The following DLGAP1 variants were observed in gnomAD, a reference collection of about 807,000 sequenced individuals.
DLGAP1 encodes the protein disks large-associated protein 1.
Under a neutral mutation model 90.8 loss-of-function variants are expected in DLGAP1, and 11 were observed. The ratio of observed to expected loss-of-function variants is 0.12; its 90% confidence interval spans 0.08 to 0.20. DLGAP1 has a LOEUF of 0.20. DLGAP1 is among the 10% of genes least tolerant of loss of function. The pLI, the probability that DLGAP1 is intolerant of heterozygous loss-of-function variation, is 1.00. For synonymous variants in DLGAP1, 558 were observed against 540.7 expected (o/e 1.03, Z -0.44); for missense variants, 1,050 against 1,333.8 (o/e 0.79, Z 3.31).
At chr18:3,627,538 G>T (rs1258746908) in intron 7 of DLGAP1, among the ~76,000 whole-genome samples, 1 of 152,096 alleles carries the variant, frequency 6.6e-6, no homozygotes, top group Non-Finnish European at 1.5e-5. Flanking sequence ...TTCTCTAATG[G>T]GTGGGCGTAT....
In DLGAP1 at chr18:3,759,294, T is replaced by C. The variant is rs77197388; in HGVS notation, c.1173-16782A>G. On this transcript the variant is annotated intron_variant, in intron 5 of 12. Transcript: ENST00000315677. ...AAAACAAAACCCAACCTGATTTGGTTGGGGATTTCTGAATGCTCAACTGGA... is the reference window on the plus strand; with the variant it reads ...AAAACAAAACCCAACCTGATTTGGTCGGGGATTTCTGAATGCTCAACTGGA... Among the ~76,000 whole-genome samples the C allele has an allele frequency of 4.2e-3, 635 of 151,896 alleles. 9 individuals are homozygous for C. Among genetic ancestry groups the C allele is most frequent in the African/African-American group, 0.015 (614 of 41,468 alleles).
intron 9 of DLGAP1, among the ~76,000 whole-genome samples, chr18:3,555,837 A>C (rs1206865436): frequency 6.6e-6 from 1 of 152,126 alleles, no homozygotes; most frequent in African/African-American, 2.4e-5. Context: ...TAAACAAATA[A>C]ATTTAAAAAC....
intron 1 of DLGAP1, among the ~76,000 whole-genome samples, chr18:4,307,248 G>A (rs1455773688): frequency 2.6e-5 from 4 of 152,094 alleles, no homozygotes; most frequent in Non-Finnish European, 5.9e-5. Flanking sequence ...ATTGAATAGT[G>A]AAGAGATGCA....
chr18:3,808,948 A>C (rs2066696160), intron 5 of DLGAP1, among the ~76,000 whole-genome samples: 1 of 152,216 alleles, frequency 6.6e-6, no homozygotes, highest in African/African-American at 2.4e-5. Flanking sequence ...ACCTCTTCTC[A>C]AATTATTTTC....
At position 3,867,786 on chromosome 18, in the gene DLGAP1, T is replaced by C. The variant is rs147097579; in HGVS notation, c.957+11326A>G. 4.4e-3 allele frequency among the ~76,000 whole-genome samples: 663 copies of C among 152,244 alleles called. 5 individuals carry two copies. The highest frequency in any genetic ancestry group is 0.015 in the African/African-American group (625 of 41,510). On this transcript the variant is annotated intron_variant, in intron 4 of 12. Transcript: ENST00000315677. ...AATAAATAAAACTTGTTTTTTTTTA[T>C]TTTTTGTTTTTATAGCAGTGTGAAA... is the stretch of plus-strand genomic sequence containing the variant.
chr18:3,797,865 G>C (rs2066079986), intron 5 of DLGAP1, among the ~76,000 whole-genome samples: 1 of 152,170 alleles, frequency 6.6e-6, no homozygotes, highest in South Asian at 2.1e-4. Context: ...TCCACGTGTT[G>C]AGGGAGAGAC....
chr18:3,983,227 A>T (rs1294653913), intron 3 of DLGAP1: 2 of 152,192 alleles, frequency 1.3e-5, no homozygotes, highest in Non-Finnish European at 2.9e-5. Context: ...CAGGAAAAAG[A>T]AAAAGGTACC....
At chr18:3,695,540 C>T (rs1441658154) in intron 7 of DLGAP1, among the ~76,000 whole-genome samples, 2 of 152,206 alleles carry the variant, frequency 1.3e-5, no homozygotes, top group African/African-American at 4.8e-5. Context: ...TCTGAGGCTT[C>T]TGTTGTGTTC....
intron 3 of DLGAP1, among the ~76,000 whole-genome samples, chr18:3,926,502 T>C (rs2072392607): frequency 6.6e-6 from 1 of 151,564 alleles, no homozygotes; most frequent in Non-Finnish European, 1.5e-5. Flanking sequence ...TATAAATATA[T>C]ATGCCATTTG....
chr18:4,056,045 C>A (rs2075210568), intron 2 of DLGAP1, among the ~76,000 whole-genome samples: 1 of 152,076 alleles, frequency 6.6e-6, no homozygotes, highest in Admixed American at 6.6e-5. Flanking sequence ...TGATCATCTT[C>A]CCTTTAAAGA....
chr18:4,195,812 C>G (rs1719870349), intron 1 of DLGAP1, among the ~76,000 whole-genome samples: 1 of 152,198 alleles, frequency 6.6e-6, no homozygotes, highest in Non-Finnish European at 1.5e-5. Flanking sequence ...CTTGGCCTCC[C>G]AAAGTGCTGG....
chr18:3,939,911 G>C (rs2072732608), intron 3 of DLGAP1, among the ~76,000 whole-genome samples: 1 of 152,156 alleles, frequency 6.6e-6, no homozygotes, highest in African/African-American at 2.4e-5. Flanking sequence ...TGTGGTATGT[G>C]TGGTCCCTAG....
chr18:4,264,661 A>G (rs568769482), intron 1 of DLGAP1: 2 of 152,366 alleles, frequency 1.3e-5, no homozygotes, highest in South Asian at 4.1e-4. Context: ...CCATTTTAGC[A>G]GCCAAGGATG....
At chr18:4,390,816 G>A (rs2082325775) in intron 1 of DLGAP1, among the ~76,000 whole-genome samples, 2 of 152,134 alleles carry the variant, frequency 1.3e-5, no homozygotes, top group African/African-American at 4.8e-5. Flanking sequence ...ATCATAGGCA[G>A]TTCTAGAGGC....
At chr18:3,926,183 A>G (rs2072377807) in intron 3 of DLGAP1, among the ~76,000 whole-genome samples, 2 of 152,188 alleles carry the variant, frequency 1.3e-5, no homozygotes, top group African/African-American at 4.8e-5. Context: ...CAACTACTTC[A>G]GCATTATTGA....
chr18:3,933,931 A>G (rs1332128677), intron 3 of DLGAP1, among the ~76,000 whole-genome samples: 1 of 152,172 alleles, frequency 6.6e-6, no homozygotes, highest in East Asian at 1.9e-4. Flanking sequence ...TCATACTGTC[A>G]AAGGGCATCA....
At chr18:3,659,394 T>TATACACACAC (rs1555618610) in intron 7 of DLGAP1, among the ~76,000 whole-genome samples, 52 of 102,174 alleles carry the variant, frequency 5.1e-4, no homozygotes, top group African/African-American at 2.4e-3. Context: ...CATACATTTA[T>TATACACACAC]ACACACACAC....
chr18:4,036,499 G>T (rs1318557039), intron 2 of DLGAP1, among the ~76,000 whole-genome samples: 1 of 152,138 alleles, frequency 6.6e-6, no homozygotes, highest in African/African-American at 2.4e-5. Context: ...TCTTGCTTCT[G>T]TATATCAGTA....
At chr18:4,244,240 G>T (rs536581765) in intron 1 of DLGAP1, among the ~76,000 whole-genome samples, 12 of 152,262 alleles carry the variant, frequency 7.9e-5, no homozygotes, top group African/African-American at 2.2e-4. Flanking sequence ...CGTAGGAGGG[G>T]AAGATGCTTA....
Sources: gnomAD v4.1 joint callset for allele counts (sites outside exome capture counted in the v4.1 genomes callset) on GRCh38, gnomAD v4.1.1 for gene constraint, MANE v1.5 for transcripts, NCBI Gene and HGNC (gene_info 2026-07-23, HGNC 2026-07-21) for gene names.